SNX30: variants seen among roughly 807,000 people sequenced by gnomAD.
SNX30 encodes the protein sorting nexin-30.
SNX30 carries 24 observed loss-of-function variants against 46.4 expected under a neutral mutation model. The observed-to-expected ratio is 0.52, with a 90% CI of 0.37 to 0.73. SNX30 has a LOEUF of 0.73. Among genes scored for constraint, SNX30 ranks in the 30% least tolerant of loss-of-function variants. The pLI is 0.00. For missense variants in SNX30, 533 were observed against 555.7 expected (o/e 0.96, Z 0.41); for synonymous variants, 189 against 211.5 (o/e 0.89, Z 0.92).
chr9:112,804,683 G>T, intron 1 of SNX30, 93 bp from the exon 2 acceptor site: 1 of 1,179,922 alleles, frequency 8.5e-7, no homozygotes, highest in Non-Finnish European at 1.2e-6. Context: ...TTGGGTTTTA[G>T]AAATGTTTAT....
chr9:112,772,652 C>T (rs1008468650), intron 1 of SNX30, among the ~76,000 whole-genome samples: 25 of 152,128 alleles, frequency 1.6e-4, no homozygotes, highest in African/African-American at 6.0e-4. Flanking sequence ...TTAGATTTTG[C>T]TGTACCCAGT....
chr9:112,775,494 G>A (rs1839729647), intron 1 of SNX30, among the ~76,000 whole-genome samples: 1 of 144,954 alleles, frequency 6.9e-6, no homozygotes, highest in Non-Finnish European at 1.5e-5. Context: ...ATATATTCTG[G>A]ATATCGTATA....
chr9:112,767,805 G>A (rs1368373168), intron 1 of SNX30, among the ~76,000 whole-genome samples: 1 of 151,792 alleles, frequency 6.6e-6, no homozygotes, highest in African/African-American at 2.4e-5. Flanking sequence ...TCCCTATGTT[G>A]TCCATGCTGG....
intron 1 of SNX30, among the ~76,000 whole-genome samples, chr9:112,779,524 G>C (rs62576390): frequency 0.068 from 10,362 of 152,066 alleles, 450 homozygotes; most frequent in Non-Finnish European, 0.099. Flanking sequence ...GGTGAAACCC[G>C]TCTCTACTAA....
intron 1 of SNX30, among the ~76,000 whole-genome samples, chr9:112,774,588 G>A (rs547982608): frequency 2.0e-5 from 3 of 152,298 alleles, no homozygotes; most frequent in East Asian, 3.9e-4. Context: ...ATGTGTGAGA[G>A]TTGGGTAGCT....
At chr9:112,822,940 G>C (rs1283162207) in intron 3 of SNX30, among the ~76,000 whole-genome samples, 1 of 152,144 alleles carries the variant, frequency 6.6e-6, no homozygotes, top group Non-Finnish European at 1.5e-5. Context: ...GATGTTTTGA[G>C]AGAGAAAGAG....
chr9:112,873,742 A>G lies in SNX30; in HGVS notation c.*4899A>G, dbSNP rs1053781849. On this transcript the variant is annotated 3_prime_UTR_variant, in exon 9 of 9. Transcript: ENST00000374232. ...AAATCACGTAGAAACAAAGAATGCT[A>G]TAGATGACAACAGTATTAAATGTTA... is the stretch of plus-strand genomic sequence containing the variant. 1 of 152,150 alleles carries G rather than the reference A, an allele frequency of 6.6e-6. No individual in the cohort carries two copies. 9.4% of individuals were successfully genotyped at this position (152,150 alleles called of 1,614,324 possible).
chr9:112,767,955 G>T (rs936224342), intron 1 of SNX30, among the ~76,000 whole-genome samples: 1 of 152,188 alleles, frequency 6.6e-6, no homozygotes, highest in Admixed American at 6.5e-5. Context: ...CTAATTGGAT[G>T]TATGATTATC....
chr9:112,868,914 G>A lies in SNX30; in HGVS notation c.*71G>A. ...CACCCTATACCGGAATGTCCCTGCA[G>A]TGCCAGAGACGCAGTGCTGGGAAAA... On this transcript the variant is annotated 3_prime_UTR_variant, in exon 9 of 9. Coordinates refer to ENST00000374232, the MANE Select transcript of SNX30 (RefSeq NM_001012994.2). 1 of 1,446,560 alleles carries A rather than the reference G, an allele frequency of 6.9e-7. No homozygotes were observed. Among genetic ancestry groups the A allele is most frequent in the Non-Finnish European group, 9.7e-7 (1 of 1,027,964 alleles). The allele number at this position is 1,446,560 out of a possible 1,614,324, so 89.6% of individuals were successfully genotyped here.
Position 112,836,299 on chromosome 9 carries a change from T to G in SNX30, c.704T>G (p.Leu235Arg). 1 of 1,613,570 alleles carries G rather than the reference T, an allele frequency of 6.2e-7. No individual in the cohort carries two copies. The highest frequency in any genetic ancestry group is 1.6e-4 in the Middle Eastern group (1 of 6,062). ...AAGCACGTCACTGGCGGCTACAAGCTGAGGACTCGGCCGCTTGAGTTTGCT... is the reference window on the plus strand; with the variant it reads ...AAGCACGTCACTGGCGGCTACAAGCGGAGGACTCGGCCGCTTGAGTTTGCT... ...SVKHVTGGYK[L>R]RTRPLEFAAI... Residue 235 changes from leucine (L) to arginine (R), a missense_variant, in exon 5 of 9, where the codon CTG (leucine) becomes CGG (arginine). Around this residue, in one of 3 missense-constraint regions of SNX30, gnomAD observed 261 missense variants for 270.9 expected, o/e 0.96. Coordinates refer to ENST00000374232, the MANE Select transcript of SNX30 (RefSeq NM_001012994.2).
intron 5 of SNX30, among the ~76,000 whole-genome samples, chr9:112,837,021 A>G (rs925885231): frequency 6.6e-6 from 1 of 152,060 alleles, no homozygotes; most frequent in Non-Finnish European, 1.5e-5. Flanking sequence ...ATCTCCTTAC[A>G]TATGCATGGG....
At position 112,868,925 on chromosome 9, in the gene SNX30, G is replaced by A. The variant is rs866950621; in HGVS notation, c.*82G>A. 73 of 1,343,264 alleles carry A rather than the reference G, an allele frequency of 5.4e-5. No individual in the cohort carries two copies. The African/African-American group carries it at 5.5e-4, about 10-fold the overall frequency. The allele number at this position is 1,343,264 out of a possible 1,614,324, so 83.2% of individuals were successfully genotyped here. A position where few individuals can be genotyped will look rare whatever the true frequency, so the allele number is the denominator to read the frequency against. On this transcript the variant is annotated 3_prime_UTR_variant, in exon 9 of 9. Transcript: ENST00000374232. ...GGAATGTCCCTGCAGTGCCAGAGAC[G>A]CAGTGCTGGGAAAACAACCACAGAA... is the stretch of plus-strand genomic sequence containing the variant.
intron 1 of SNX30, among the ~76,000 whole-genome samples, chr9:112,770,401 G>A (rs1387425613): frequency 6.6e-6 from 1 of 151,804 alleles, no homozygotes; most frequent in Non-Finnish European, 1.5e-5. Flanking sequence ...TCGAACTCCC[G>A]ACCTTGTGAT....
intron 7 of SNX30, among the ~76,000 whole-genome samples, chr9:112,851,498 A>T (rs1404625979): frequency 1.3e-5 from 2 of 152,316 alleles, no homozygotes; most frequent in South Asian, 4.1e-4. Context: ...AAAGCCAACA[A>T]AAAGTGGCCC....
At chr9:112,775,166 T>G (rs796506437) in intron 1 of SNX30, among the ~76,000 whole-genome samples, 3 of 149,178 alleles carry the variant, frequency 2.0e-5, no homozygotes, top group African/African-American at 7.4e-5. Context: ...TTTTTTTTTT[T>G]TTTTTTGAGA....
At chr9:112,824,530 GT>G (rs11458353) in intron 3 of SNX30, among the ~76,000 whole-genome samples, 245 of 143,394 alleles carry the variant, frequency 1.7e-3, no homozygotes, top group South Asian at 3.8e-3. Flanking sequence ...ACACCCAGGT[GT>G]TTTTTTTTTT....
intron 3 of SNX30, among the ~76,000 whole-genome samples, chr9:112,827,774 A>C (rs1268799605): frequency 1.3e-5 from 2 of 152,210 alleles, no homozygotes; most frequent in African/African-American, 4.8e-5. Flanking sequence ...GCTTGTGTTT[A>C]ATGTCTTACT....
At chr9:112,883,341 T>TA (rs2131541420), downstream of SNX30, among the ~76,000 whole-genome samples, 1 of 152,238 alleles carries the variant, frequency 6.6e-6, no homozygotes, top group Admixed American at 6.5e-5. Context: ...CGCACCCAGA[T>TA]ACCAGGTGCA....
intron 2 of SNX30, among the ~76,000 whole-genome samples, chr9:112,813,236 G>C (rs1278481128): frequency 6.6e-6 from 1 of 152,164 alleles, no homozygotes; most frequent in Non-Finnish European, 1.5e-5. Flanking sequence ...GGCTGAGACA[G>C]AGGATTGCTT....
Sources: allele counts gnomAD v4.1 joint callset (sites outside exome capture counted in the v4.1 genomes callset), GRCh38; gene constraint gnomAD v4.1.1; regional missense constraint gnomAD v4.1.1; transcripts MANE v1.5; gene names NCBI Gene and HGNC (gene_info 2026-07-23, HGNC 2026-07-21).